The following MMP26 variants were observed in gnomAD, a reference collection of about 807,000 sequenced individuals.
The protein encoded by MMP26 is matrix metallopeptidase 26, also known as matrix metalloproteinase-26.
In MMP26, 33 loss-of-function variants were observed where a neutral mutation model predicts 31.0. That is an observed-to-expected ratio of 1.06 (90% confidence interval 0.81 to 1.42). The LOEUF (loss-of-function observed/expected upper bound fraction) is 1.42, where lower values mean the gene tolerates loss of function less well. Among genes scored for constraint, MMP26 ranks in the 40% most tolerant of loss-of-function variants. The pLI is 0.00. For missense variants in MMP26, 347 were observed against 316.1 expected, an observed-to-expected ratio of 1.10 and a Z score of -0.74; for synonymous variants, 122 against 114.9, an observed-to-expected ratio of 1.06 and a Z score of -0.40.
intron 2 of MMP26, chr11:4,914,474 G>A: frequency 4.4e-6 from 2 of 451,592 alleles, no homozygotes; most frequent in Non-Finnish European, 7.9e-6. Context: ...TCCTGGAAGA[G>A]CATGTGGGTT....
At chr11:4,796,182 G>T (rs1849106514) in intron 2 of MMP26, among the ~76,000 whole-genome samples, 1 of 152,146 alleles carries the variant, frequency 6.6e-6, no homozygotes, top group Non-Finnish European at 1.5e-5. Context: ...GAAGCAACTT[G>T]GCTGTTTCTC....
At chr11:4,805,579 T>C (rs1237611940) in intron 2 of MMP26, among the ~76,000 whole-genome samples, 1 of 152,222 alleles carries the variant, frequency 6.6e-6, no homozygotes, top group Non-Finnish European at 1.5e-5. Flanking sequence ...AAGTCAGCTG[T>C]GAACCCCACA....
At chr11:4,798,792 A>G (rs1275426392) in intron 2 of MMP26, among the ~76,000 whole-genome samples, 2 of 152,212 alleles carry the variant, frequency 1.3e-5, no homozygotes, top group Non-Finnish European at 2.9e-5. Context: ...CTGGAGAAAC[A>G]GTTATTGGTC....
At chr11:4,941,019 G>T (rs1846198271) in intron 2 of MMP26, among the ~76,000 whole-genome samples, 1 of 151,346 alleles carries the variant, frequency 6.6e-6, no homozygotes, top group Non-Finnish European at 1.5e-5. Context: ...TTCTCTTTCT[G>T]TTGGATTATA....
intron 1 of MMP26, among the ~76,000 whole-genome samples, chr11:4,731,787 G>T (rs1432700081): frequency 6.6e-6 from 1 of 152,182 alleles, no homozygotes; most frequent in East Asian, 1.9e-4. Context: ...TGTATTTAGG[G>T]ATTCTTCGCT....
At chr11:4,948,945 A>G (rs1286892268) in intron 2 of MMP26, among the ~76,000 whole-genome samples, 1 of 124,268 alleles carries the variant, frequency 8.0e-6, no homozygotes, top group Non-Finnish European at 1.8e-5. Context: ...CTTATTAAAG[A>G]GATAGCAGAA....
chr11:4,823,037 A>G (rs11034077), intron 2 of MMP26, among the ~76,000 whole-genome samples: 15,764 of 152,102 alleles, frequency 0.1, 990 homozygotes, highest in Middle Eastern at 0.16. Flanking sequence ...ACCAAGATTT[A>G]TCTTGGTGTA....
chr11:4,750,477 T>G (rs530716694), intron 1 of MMP26, among the ~76,000 whole-genome samples: 2 of 152,200 alleles, frequency 1.3e-5, no homozygotes, highest in South Asian at 4.1e-4. Flanking sequence ...ATTCATGTGT[T>G]TATCACAGTA....
chr11:4,717,034 A>G (rs1847942649), intron 1 of MMP26, among the ~76,000 whole-genome samples: 2 of 152,114 alleles, frequency 1.3e-5, no homozygotes, highest in African/African-American at 4.8e-5. Flanking sequence ...AAAATATCTG[A>G]AACCCCATTG....
chr11:4,913,377 C>T (rs1851021886), intron 2 of MMP26: 1 of 152,168 alleles, frequency 6.6e-6, no homozygotes, highest in Non-Finnish European at 1.5e-5. Context: ...TTCAGCCACA[C>T]CCTTTCTTAA....
intron 1 of MMP26, among the ~76,000 whole-genome samples, chr11:4,732,499 G>T (rs1848185847): frequency 6.8e-6 from 1 of 146,236 alleles, no homozygotes; most frequent in Non-Finnish European, 1.5e-5. Context: ...TGTACTTAAT[G>T]TGTTACTTGT....
At chr11:4,778,794 A>G (rs1311607150) in intron 2 of MMP26, among the ~76,000 whole-genome samples, 5 of 152,068 alleles carry the variant, frequency 3.3e-5, no homozygotes, top group East Asian at 1.9e-4. Context: ...AGTTTTTTCT[A>G]TCAAAACCTT....
intron 2 of MMP26, chr11:4,915,187 T>G: frequency 6.2e-7 from 1 of 1,613,650 alleles, no homozygotes; most frequent in Non-Finnish European, 8.5e-7. Flanking sequence ...GAAAAATGAG[T>G]GCTACACTAC....
intron 2 of MMP26, among the ~76,000 whole-genome samples, chr11:4,933,360 T>C (rs922779066): frequency 2.0e-5 from 3 of 152,138 alleles, no homozygotes; most frequent in African/African-American, 4.8e-5. Context: ...CTGGGATTCA[T>C]ATTCTAACAT....
chr11:4,747,702 C>G (rs1010304219), intron 1 of MMP26, among the ~76,000 whole-genome samples: 15 of 151,910 alleles, frequency 9.9e-5, no homozygotes, highest in African/African-American at 3.6e-4. Flanking sequence ...CTGATTTAGG[C>G]AAAGGATTTT....
chr11:4,709,174 T>C lies in MMP26; in HGVS notation c.-217+4129T>C, dbSNP rs907576081. On this transcript the variant is annotated intron_variant, in intron 1 of 7. Transcript: ENST00000380390. ...AACTGAGAAGTGAAGAAAAGCAGGG[T>C]GAATTTCCTGTTGTGTTTCTTATGG... Among the ~76,000 whole-genome samples, 4 of 152,302 alleles carry C rather than the reference T, an allele frequency of 2.6e-5. No homozygotes were observed. In the East Asian group the frequency reaches 7.7e-4, roughly 29 times the overall value.
chr11:4,933,535 T>TG (rs1166570949), intron 2 of MMP26, among the ~76,000 whole-genome samples: 1 of 141,532 alleles, frequency 7.1e-6, no homozygotes, highest in African/African-American at 2.6e-5. Context: ...TTGTTTTTTT[T>TG]TTTGTTTGTT....
chr11:4,991,227 G>T, intron 5 of MMP26, 144 bp from the exon 6 acceptor site: 4 of 1,037,246 alleles, frequency 3.9e-6, no homozygotes, highest in Non-Finnish European at 5.4e-6. Flanking sequence ...TTATTTCTCT[G>T]CATAGATAAT....
intron 2 of MMP26, among the ~76,000 whole-genome samples, chr11:4,939,053 A>C (rs553555269): frequency 6.6e-6 from 1 of 152,136 alleles, no homozygotes; most frequent in Admixed American, 6.5e-5. Context: ...ATGTTTCTTA[A>C]ATTTGTTAAT....
Sources: allele counts gnomAD v4.1 joint callset (sites outside exome capture counted in the v4.1 genomes callset), GRCh38; gene constraint gnomAD v4.1.1; transcripts MANE v1.5; gene names NCBI Gene and HGNC (gene_info 2026-07-23, HGNC 2026-07-21).